RAD51B: variants seen among roughly 807,000 people sequenced by gnomAD.
RAD51B encodes DNA repair protein RAD51 homolog 2.
A neutral mutation model predicts 42.2 loss-of-function variants in RAD51B; 38 were observed. That is an observed-to-expected ratio of 0.90 (90% CI 0.70 to 1.18). The LOEUF (loss-of-function observed/expected upper bound fraction) is 1.18, where lower values mean the gene tolerates loss of function less well. Among genes scored for constraint, RAD51B ranks in the 50% most tolerant of loss-of-function variants. The probability of loss-of-function intolerance (pLI) is 0.00; values close to 1 mark genes in which losing one functional copy is unlikely to be tolerated. For synonymous variants in RAD51B, 154 were observed against 145.2 expected, an observed-to-expected ratio of 1.06 and a Z score of -0.43; for missense variants, 373 against 400.7, an observed-to-expected ratio of 0.93 and a Z score of 0.59.
chr14:68,032,763 T>A (rs2076066874), intron 7 of RAD51B, among the ~76,000 whole-genome samples: 1 of 152,226 alleles, frequency 6.6e-6, no homozygotes, highest in South Asian at 2.1e-4. Context: ...ATAAACATTC[T>A]AATGAGTTTT....
intron 7 of RAD51B, among the ~76,000 whole-genome samples, chr14:68,251,172 T>C (rs2080623187): frequency 6.6e-6 from 1 of 152,070 alleles, no homozygotes; most frequent in African/African-American, 2.4e-5. Context: ...TGATTCATCT[T>C]CTTCTGTTGC....
intron 7 of RAD51B, among the ~76,000 whole-genome samples, chr14:68,030,592 G>A (rs1353469099): frequency 6.6e-6 from 1 of 152,168 alleles, no homozygotes; most frequent in Non-Finnish European, 1.5e-5. Context: ...GTTTAAGGTA[G>A]TGTTGTGGCT....
At chr14:67,990,067 G>A (rs909257236) in intron 7 of RAD51B, among the ~76,000 whole-genome samples, 4 of 144,742 alleles carry the variant, frequency 2.8e-5, no homozygotes, top group East Asian at 2.0e-4. Flanking sequence ...GCGCAATCTC[G>A]GCTCACTGCA....
chr14:67,854,874 G>A (rs149360608), intron 4 of RAD51B, among the ~76,000 whole-genome samples: 97 of 152,190 alleles, frequency 6.4e-4, no homozygotes, highest in African/African-American at 2.1e-3. Context: ...ACTGAGGCAG[G>A]AGGATCACTT....
Position 68,090,162 on chromosome 14 carries a change from C to G in RAD51B, c.757-201722C>G, listed in dbSNP as rs145102982. On this transcript the variant is annotated intron_variant, in intron 7 of 10. Coordinates refer to ENST00000471583, the MANE Select transcript of RAD51B (RefSeq NM_133510.4). ...ACACTGACATGAACATAGAGTCCATCAGACCTTTATATCAAGAGCTTGGAG... is the reference window on the plus strand; with the variant it reads ...ACACTGACATGAACATAGAGTCCATGAGACCTTTATATCAAGAGCTTGGAG... Among the ~76,000 whole-genome samples, 1,054 of 152,286 alleles carry G rather than the reference C, an allele frequency of 6.9e-3. 11 individuals carry two copies. Among genetic ancestry groups the G allele is most frequent in the African/African-American group, 0.024 (988 of 41,554 alleles).
At chr14:68,200,682 G>C (rs192976062) in intron 7 of RAD51B, among the ~76,000 whole-genome samples, 3 of 151,916 alleles carry the variant, frequency 2.0e-5, no homozygotes, top group African/African-American at 7.3e-5. Flanking sequence ...GAGACAGAGT[G>C]TCACTCTGTC....
At chr14:68,403,315 C>CTT (rs5809380) in intron 8 of RAD51B, among the ~76,000 whole-genome samples, 46 of 147,840 alleles carry the variant, frequency 3.1e-4, no homozygotes, top group Admixed American at 9.4e-4. Context: ...GTTTTTTTGA[C>CTT]TTTTTTTTTT....
At chr14:68,591,149 G>A (rs771428102) in intron 10 of RAD51B, among the ~76,000 whole-genome samples, 6 of 152,174 alleles carry the variant, frequency 3.9e-5, no homozygotes, top group Non-Finnish European at 7.3e-5. Flanking sequence ...TTCCCCAGTG[G>A]GTTAAGAGAG....
intron 7 of RAD51B, among the ~76,000 whole-genome samples, chr14:68,177,910 T>G (rs1284317165): frequency 6.6e-6 from 1 of 152,160 alleles, no homozygotes; most frequent in Non-Finnish European, 1.5e-5. Flanking sequence ...TCAGATATCT[T>G]TAACAGCTCA....
At chr14:68,159,689 GT>G (rs1166525498) in intron 7 of RAD51B, among the ~76,000 whole-genome samples, 1 of 150,878 alleles carries the variant, frequency 6.6e-6, no homozygotes, top group East Asian at 2.0e-4. Flanking sequence ...TTCATACTCA[GT>G]TTTTACATTC....
At chr14:68,566,512 T>C (rs1234419973) in intron 10 of RAD51B, among the ~76,000 whole-genome samples, 1 of 152,202 alleles carries the variant, frequency 6.6e-6, no homozygotes, top group African/African-American at 2.4e-5. Flanking sequence ...TTCATTCAAA[T>C]GGTGACCTTG....
chr14:67,912,548 G>C (rs1273379032), intron 7 of RAD51B, among the ~76,000 whole-genome samples: 1 of 152,082 alleles, frequency 6.6e-6, no homozygotes, highest in Non-Finnish European at 1.5e-5. Context: ...GAGAGAAAGA[G>C]CTCACTGTAA....
At chr14:68,477,520 G>C (rs931200601) in intron 10 of RAD51B, 128 bp from the exon 11 acceptor site, 7 of 1,156,752 alleles carry the variant, frequency 6.1e-6, no homozygotes, top group Non-Finnish European at 1.2e-6. Context: ...CAGTGGCTCT[G>C]TGGGCAATAC....
downstream of RAD51B, among the ~76,000 whole-genome samples, chr14:68,600,308 C>T (rs151045330): frequency 8.8e-3 from 1,345 of 152,344 alleles, 12 homozygotes; most frequent in Middle Eastern, 0.048. Flanking sequence ...CTGGGCCCGT[C>T]ATGTAATCAC....
In RAD51B at chr14:68,381,117, T is replaced by A. The variant is rs17105507; in HGVS notation, c.854-30307T>A. 3.7e-3 allele frequency among the ~76,000 whole-genome samples: 567 copies of A among 152,350 alleles called. 6 individuals are homozygous for A. Among genetic ancestry groups the A allele is most frequent in the African/African-American group, 0.013 (541 of 41,578 alleles). On this transcript the variant is annotated intron_variant, in intron 8 of 10. Coordinates refer to ENST00000471583, the MANE Select transcript of RAD51B (RefSeq NM_133510.4). ...TCTTTGTCCTGTCAATTGTCAAATT[T>A]AGCTGCTGGAAATGATCTCTTATTT...
intron 7 of RAD51B, among the ~76,000 whole-genome samples, chr14:67,932,367 T>C (rs1451942189): frequency 6.6e-6 from 1 of 152,182 alleles, no homozygotes; most frequent in Non-Finnish European, 1.5e-5. Flanking sequence ...TATGGTGTGG[T>C]TATTAGTGGA....
intron 7 of RAD51B, among the ~76,000 whole-genome samples, chr14:68,086,491 C>A (rs190999037): frequency 2.0e-5 from 3 of 152,312 alleles, no homozygotes; most frequent in Admixed American, 2.0e-4. Context: ...CCTGTGGGCC[C>A]AGGTCTGGGG....
At chr14:68,003,957 A>T (rs1427919524) in intron 7 of RAD51B, among the ~76,000 whole-genome samples, 5 of 152,192 alleles carry the variant, frequency 3.3e-5, no homozygotes, top group Non-Finnish European at 7.4e-5. Context: ...AAGATAAATC[A>T]TATGGCTTTT....
chr14:67,924,044 C>T (rs971947794), intron 7 of RAD51B, among the ~76,000 whole-genome samples: 2 of 152,080 alleles, frequency 1.3e-5, no homozygotes, highest in Non-Finnish European at 2.9e-5. Context: ...ATTGCTTATT[C>T]ATGTCTTTAG....
Sources: allele counts gnomAD v4.1 joint callset (sites outside exome capture counted in the v4.1 genomes callset), GRCh38; gene constraint gnomAD v4.1.1; transcripts MANE v1.5; gene names NCBI Gene and HGNC (gene_info 2026-07-23, HGNC 2026-07-21).